Variants in AKAP6 observed in about 807,000 individuals in gnomAD.
AKAP6 encodes A-kinase anchor protein 6.
A neutral mutation model predicts 188.5 loss-of-function variants in AKAP6; 58 were observed. The ratio of observed to expected loss-of-function variants is 0.31; its 90% confidence interval spans 0.25 to 0.38. The LOEUF is 0.38. Among genes scored for constraint, AKAP6 ranks in the 10% least tolerant of loss-of-function variants. The probability of loss-of-function intolerance (pLI) is 1.00; values close to 1 mark genes in which losing one functional copy is unlikely to be tolerated. For synonymous variants in AKAP6, 989 were observed against 998.6 expected, an observed-to-expected ratio of 0.99 and a Z score of 0.18; for missense variants, 2,710 against 2,740.0, an observed-to-expected ratio of 0.99 and a Z score of 0.24.
chr14:32,521,850 T>C (rs1212681225), intron 2 of AKAP6, among the ~76,000 whole-genome samples: 1 of 152,194 alleles, frequency 6.6e-6, no homozygotes, highest in Admixed American at 6.5e-5. Context: ...TTAAAGTTCA[T>C]GTGCAACCAA....
intron 5 of AKAP6, among the ~76,000 whole-genome samples, chr14:32,595,904 G>T (rs1054768285): frequency 6.6e-6 from 1 of 152,050 alleles, no homozygotes; most frequent in African/African-American, 2.4e-5. Flanking sequence ...GATAAGGATT[G>T]TGTATTGTTA....
At chr14:32,719,756 C>G (rs1490224271) in intron 9 of AKAP6, among the ~76,000 whole-genome samples, 1 of 152,132 alleles carries the variant, frequency 6.6e-6, no homozygotes, top group Admixed American at 6.6e-5. Context: ...TTAGTTCCCT[C>G]TTTCTTGAAA....
intron 9 of AKAP6, among the ~76,000 whole-genome samples, chr14:32,712,720 C>T (rs947016667): frequency 6.6e-6 from 1 of 152,134 alleles, no homozygotes; most frequent in Admixed American, 6.6e-5. Flanking sequence ...AACTCTGTCA[C>T]ATCTTCAGGC....
chr14:32,423,396 T>C (rs1475930654), intron 1 of AKAP6, among the ~76,000 whole-genome samples: 2 of 152,016 alleles, frequency 1.3e-5, no homozygotes, highest in African/African-American at 4.8e-5. Flanking sequence ...TCCAGGCTGG[T>C]CTTGAACTCC....
rs376215199 is a variant in AKAP6, at chr14:32,787,984, T to G, written c.3588+14091T>G. Among the ~76,000 whole-genome samples, 21 of 133,494 alleles carry G rather than the reference T, an allele frequency of 1.6e-4. No individual in the cohort carries two copies. The East Asian group carries it at 3.9e-3, about 25-fold the overall frequency. The allele number at this position is 133,494 out of a possible 152,430, so 87.6% of individuals were successfully genotyped here. On this transcript the variant is annotated intron_variant, in intron 12 of 13. Transcript: ENST00000280979. ...TGAGCCCAGGAGTTCAAGGATGCAA[T>G]GAGCCGTAATTATACCACTTCATTC...
intron 12 of AKAP6, among the ~76,000 whole-genome samples, chr14:32,784,158 G>A (rs763589729): frequency 6.6e-6 from 1 of 152,166 alleles, no homozygotes; most frequent in Non-Finnish European, 1.5e-5. Flanking sequence ...CTGTTTCAAT[G>A]TGCTAGAGAA....
chr14:32,816,480 G>A (rs1363879268), intron 12 of AKAP6, among the ~76,000 whole-genome samples: 2 of 152,158 alleles, frequency 1.3e-5, no homozygotes, highest in African/African-American at 4.8e-5. Context: ...ACAAGCACGA[G>A]CCACTGTACC....
At chr14:32,650,698 T>A (rs1888183723) in intron 7 of AKAP6, among the ~76,000 whole-genome samples, 1 of 152,086 alleles carries the variant, frequency 6.6e-6, no homozygotes, top group African/African-American at 2.4e-5. Flanking sequence ...CAATGACCAG[T>A]TCAAATGTGT....
chr14:32,519,848 A>G (rs891503074), intron 2 of AKAP6, among the ~76,000 whole-genome samples: 5 of 152,198 alleles, frequency 3.3e-5, no homozygotes, highest in Non-Finnish European at 7.3e-5. Context: ...AAGCAGACAT[A>G]ATAGACATCT....
At chr14:32,762,373 GA>G (rs1171570710) in intron 11 of AKAP6, among the ~76,000 whole-genome samples, 2 of 151,976 alleles carry the variant, frequency 1.3e-5, no homozygotes, top group African/African-American at 2.4e-5. Context: ...TTTTAATTTA[GA>G]AAAGGAACGA....
At chr14:32,558,350 G>A (rs1280653345) in intron 4 of AKAP6, among the ~76,000 whole-genome samples, 1 of 152,218 alleles carries the variant, frequency 6.6e-6, no homozygotes, top group Non-Finnish European at 1.5e-5. Flanking sequence ...TCAAGGCTCT[G>A]TGTCTGTTAC....
At chr14:32,800,801 G>A (rs912566275) in intron 12 of AKAP6, among the ~76,000 whole-genome samples, 1 of 152,032 alleles carries the variant, frequency 6.6e-6, no homozygotes, top group African/African-American at 2.4e-5. Flanking sequence ...GATTGCTTGA[G>A]CTCAGAAATT....
intron 2 of AKAP6, chr14:32,434,088 A>G (rs372474042): frequency 1.1e-4 from 42 of 385,006 alleles, no homozygotes; most frequent in Middle Eastern, 7.4e-4. Context: ...TGTTATCAAA[A>G]TAAGTTACAC....
intron 1 of AKAP6, among the ~76,000 whole-genome samples, chr14:32,429,590 C>T (rs1209767050): frequency 6.6e-6 from 1 of 152,142 alleles, no homozygotes; most frequent in Non-Finnish European, 1.5e-5. Flanking sequence ...GGCAATTAAT[C>T]CATTTTATGC....
chr14:32,507,048 A>G (rs1247298784), intron 2 of AKAP6, among the ~76,000 whole-genome samples: 1 of 152,208 alleles, frequency 6.6e-6, no homozygotes, highest in Non-Finnish European at 1.5e-5. Context: ...TAAATATATT[A>G]GAGGGTTTTT....
At chr14:32,812,707 T>C (rs1208154415) in intron 12 of AKAP6, among the ~76,000 whole-genome samples, 2 of 152,220 alleles carry the variant, frequency 1.3e-5, no homozygotes, top group East Asian at 3.8e-4. Context: ...ATTAACTTGC[T>C]TAAGAAAAAC....
intron 7 of AKAP6, among the ~76,000 whole-genome samples, chr14:32,635,285 C>T (rs774642833): frequency 3.9e-5 from 6 of 152,124 alleles, no homozygotes; most frequent in South Asian, 2.1e-4. Context: ...CAGGGAATTA[C>T]GAAAAGCTTG....
chr14:32,478,566 A>T (rs975397432), intron 2 of AKAP6, among the ~76,000 whole-genome samples: 5 of 152,190 alleles, frequency 3.3e-5, no homozygotes, highest in African/African-American at 4.8e-5. Flanking sequence ...CAAAAATTTA[A>T]TTCGATGCCA....
intron 7 of AKAP6, among the ~76,000 whole-genome samples, chr14:32,626,893 C>T (rs1033488128): frequency 6.6e-6 from 1 of 152,112 alleles, no homozygotes; most frequent in Non-Finnish European, 1.5e-5. Context: ...CAGTGCCTCA[C>T]ACAACATGTA....
Sources: gnomAD v4.1 joint callset for allele counts (sites outside exome capture counted in the v4.1 genomes callset) on GRCh38, gnomAD v4.1.1 for gene constraint, MANE v1.5 for transcripts, NCBI Gene and HGNC (gene_info 2026-07-23, HGNC 2026-07-21) for gene names.